CPXM2: variants seen among roughly 807,000 people sequenced by gnomAD.
CPXM2 encodes the protein carboxypeptidase X, M14 family member 2, also known as inactive carboxypeptidase-like protein X2.
In CPXM2, 66 loss-of-function variants were observed where a neutral mutation model predicts 86.1. That is an observed-to-expected ratio of 0.77 (90% CI 0.63 to 0.94). CPXM2 has a LOEUF of 0.94. Ranked by LOEUF, CPXM2 falls within the 40% of genes least tolerant of loss-of-function variation. The pLI is 0.00. For missense variants in CPXM2, 948 were observed against 1,026.3 expected (o/e 0.92, Z 1.04); for synonymous variants, 388 against 400.2 (o/e 0.97, Z 0.36).
At chr10:123,818,790 G>T (rs1183686895) in intron 4 of CPXM2, among the ~76,000 whole-genome samples, 1 of 152,160 alleles carries the variant, frequency 6.6e-6, no homozygotes, top group East Asian at 1.9e-4. Flanking sequence ...ACAATACTTT[G>T]CAGGGCTGGG....
intron 3 of CPXM2, among the ~76,000 whole-genome samples, chr10:123,843,974 C>A (rs1489860919): frequency 6.6e-6 from 1 of 152,126 alleles, no homozygotes; most frequent in East Asian, 1.9e-4. Context: ...TTTGTTTCTG[C>A]TGCCAATCTC....
At chr10:123,823,082 A>C (rs1331325567) in intron 4 of CPXM2, among the ~76,000 whole-genome samples, 1 of 152,196 alleles carries the variant, frequency 6.6e-6, no homozygotes, top group Non-Finnish European at 1.5e-5. Flanking sequence ...AAATACAACC[A>C]AGAGTGATAT....
At chr10:123,859,407 G>A (rs1044662557) in intron 3 of CPXM2, among the ~76,000 whole-genome samples, 11 of 152,188 alleles carry the variant, frequency 7.2e-5, no homozygotes, top group Non-Finnish European at 7.3e-5. Flanking sequence ...GGCTGACCTC[G>A]TCCCCATTTC....
At chr10:123,912,030 G>A (rs1461975883) in intron 2 of CPXM2, among the ~76,000 whole-genome samples, 3 of 152,048 alleles carry the variant, frequency 2.0e-5, no homozygotes, top group South Asian at 2.1e-4. Context: ...AGGACCAAGC[G>A]GGTGACTTGC....
rs541285168 is a variant in CPXM2, at chr10:123,878,060, C to A, written c.403+2151G>T. 1.4e-3 allele frequency among the ~76,000 whole-genome samples: 216 copies of A among 152,238 alleles called. 1 individual carries two copies. Among genetic ancestry groups the A allele is most frequent in the Non-Finnish European group, 2.5e-3 (171 of 68,022 alleles). On this transcript the variant is annotated intron_variant, in intron 2 of 13. Coordinates refer to ENST00000241305, the MANE Select transcript of CPXM2 (RefSeq NM_198148.3). ...TCTGCCACGCTGCCTTCAAAGCCCC[C>A]CAGTGCAACCTGAGTAGATCCTGAC...
chr10:123,768,865 T>TA (rs1407934104), intron 8 of CPXM2, 143 bp from the exon 9 acceptor site: 1 of 678,636 alleles, frequency 1.5e-6, no homozygotes, highest in Admixed American at 3.0e-5. Flanking sequence ...AACAAACCTC[T>TA]AAAATGACAT....
chr10:123,826,637 T>A (rs1222890378), intron 4 of CPXM2, among the ~76,000 whole-genome samples: 1 of 152,104 alleles, frequency 6.6e-6, no homozygotes, highest in Non-Finnish European at 1.5e-5. Context: ...ATTTTATGAC[T>A]ATAAAATTAG....
intron 6 of CPXM2, among the ~76,000 whole-genome samples, chr10:123,784,893 C>T (rs567648898): frequency 1.6e-4 from 24 of 152,234 alleles, no homozygotes; most frequent in South Asian, 2.1e-4. Context: ...TTCATACTGA[C>T]TTCCTAGAAC....
chr10:123,783,213 G>A (rs968123423), intron 6 of CPXM2, among the ~76,000 whole-genome samples: 3 of 152,234 alleles, frequency 2.0e-5, no homozygotes, highest in African/African-American at 4.8e-5. Context: ...GGCCCATGCC[G>A]CTGTTCTGCC....
intron 2 of CPXM2, among the ~76,000 whole-genome samples, chr10:123,906,923 T>A (rs139090373): frequency 2.6e-5 from 4 of 152,266 alleles, no homozygotes; most frequent in African/African-American, 9.6e-5. Context: ...AATAACCAGC[T>A]CTTGTCTTCT....
chr10:123,939,345 G>GA (rs1432777798), intron 2 of CPXM2: 2 of 152,288 alleles, frequency 1.3e-5, no homozygotes, highest in Non-Finnish European at 2.9e-5. Flanking sequence ...GCAGGTTCAG[G>GA]AAGTCCCCTC....
chr10:123,873,414 T>C (rs984846153), intron 2 of CPXM2, among the ~76,000 whole-genome samples: 2 of 152,224 alleles, frequency 1.3e-5, no homozygotes, highest in African/African-American at 2.4e-5. Flanking sequence ...TAGAAGTCAA[T>C]GTTGTAAATG....
At chr10:123,924,775 T>C (rs1031243931) in intron 2 of CPXM2, among the ~76,000 whole-genome samples, 2 of 152,272 alleles carry the variant, frequency 1.3e-5, no homozygotes, top group Middle Eastern at 6.8e-3. Context: ...CTGAAGCTAT[T>C]CGGGGGCCCA....
rs1189664202 is a variant in CPXM2 at position 123,862,731 on chromosome 10, G to A, written c.404-8C>T. On this transcript the variant is annotated splice_polypyrimidine_tract_variant and splice_region_variant and intron_variant, in intron 2 of 13. Coordinates refer to ENST00000241305, the MANE Select transcript of CPXM2 (RefSeq NM_198148.3). ...GACCAAGAGGTGGGCAACCTGGAAA[G>A]GACAAATGCTTGTTAAAAACAACGA... 6.6e-7 allele frequency: 1 copy of A among 1,504,182 alleles called. No individual in the cohort carries two copies. Among genetic ancestry groups the A allele is most frequent in the Non-Finnish European group, 8.8e-7 (1 of 1,134,124 alleles). 93.2% of individuals were successfully genotyped at this position (1,504,182 alleles called of 1,614,324 possible).
At chr10:123,860,389 T>C (rs1848824806) in intron 3 of CPXM2, among the ~76,000 whole-genome samples, 1 of 152,208 alleles carries the variant, frequency 6.6e-6, no homozygotes, top group Non-Finnish European at 1.5e-5. Context: ...GGCCAAGGTC[T>C]GCACTCAGCA....
rs367952340 is a variant in CPXM2, at chr10:123,811,868, T to G, written c.654-12669A>C. Among the ~76,000 whole-genome samples the G allele has an allele frequency of 5.0e-4, 76 of 152,312 alleles. 1 individual carries two copies. The East Asian group carries it at 7.5e-3, about 15-fold the overall frequency. ...TGTTAGTGGTTACGGAAATGCAAGT[T>G]TCTCTAAGGACATCAGTGAAAGATA... On this transcript the variant is annotated intron_variant, in intron 4 of 13. Transcript: ENST00000241305.
At chr10:123,928,293 G>A (rs1443515909) in intron 2 of CPXM2, among the ~76,000 whole-genome samples, 2 of 152,222 alleles carry the variant, frequency 1.3e-5, no homozygotes, top group East Asian at 3.8e-4. Context: ...GACAGCCAGA[G>A]TGGATGGTCT....
chr10:123,921,585 T>C (rs564144341), intron 2 of CPXM2, among the ~76,000 whole-genome samples: 1 of 152,306 alleles, frequency 6.6e-6, no homozygotes, highest in Admixed American at 6.5e-5. Flanking sequence ...ATCCAAGCTA[T>C]GAGAGGCAAG....
At chr10:123,829,179 C>T (rs1299322212) in intron 4 of CPXM2, among the ~76,000 whole-genome samples, 5 of 152,124 alleles carry the variant, frequency 3.3e-5, no homozygotes, top group East Asian at 1.9e-4. Context: ...GATATCATTA[C>T]GCACCTGTCA....
Sources: allele counts gnomAD v4.1 joint callset (sites outside exome capture counted in the v4.1 genomes callset), GRCh38; gene constraint gnomAD v4.1.1; transcripts MANE v1.5; gene names NCBI Gene and HGNC (gene_info 2026-07-23, HGNC 2026-07-21).